DNAJC18: variants seen among roughly 807,000 people sequenced by gnomAD.
DNAJC18 encodes DnaJ heat shock protein family (Hsp40) member C18.
A neutral mutation model predicts 48.6 loss-of-function variants in DNAJC18; 40 were observed. That is an observed-to-expected ratio of 0.82 (90% CI 0.64 to 1.07). DNAJC18 has a LOEUF of 1.07. Ranked by LOEUF, DNAJC18 falls within the 50% of genes least tolerant of loss-of-function variation. The probability of loss-of-function intolerance (pLI) is 0.00; values close to 1 mark genes in which losing one functional copy is unlikely to be tolerated. For synonymous variants in DNAJC18, 135 were observed against 152.2 expected (o/e 0.89, Z 0.83); for missense variants, 340 against 427.7 (o/e 0.79, Z 1.81).
chr5:139,439,389 A>T lies in DNAJC18; in HGVS notation c.40+17T>A. 1 of 1,614,094 alleles carries T rather than the reference A, an allele frequency of 6.2e-7. No homozygotes were observed. Among genetic ancestry groups the T allele is most frequent in the Non-Finnish European group, 8.5e-7 (1 of 1,180,012 alleles). ...CCGAAGGCCGCCCTATCCCTCCTTC[A>T]GGCGGGGACCTAGTACCTTCCGTCC... is the stretch of plus-strand genomic sequence containing the variant. On this transcript the variant is annotated intron_variant, in intron 1 of 7. Transcript: ENST00000302060. The surrounding 1 kb of genome is among the most constrained non-coding windows in gnomAD (Gnocchi z 4.1).
chr5:139,419,242 T>G, intron 7 of DNAJC18: 1 of 422,174 alleles, frequency 2.4e-6, no homozygotes, highest in Non-Finnish European at 4.7e-6. Flanking sequence ...TAACGCGGTA[T>G]GTGTGTGTAG....
Position 139,410,731 on chromosome 5 carries a change from T to A in DNAJC18, c.*3417A>T, listed in dbSNP as rs964512055. The stretch of plus-strand genomic sequence containing the variant: ...CTTGGCCAGGCTGCTGGAACCCATG[T>A]TCCAGTGGCATCTGGAGTTCACTGT... On this transcript the variant is annotated 3_prime_UTR_variant, in exon 8 of 8. Transcript: ENST00000302060. 6.6e-6 allele frequency: 1 copy of A among 152,364 alleles called. No individual in the cohort carries two copies. The highest frequency in any genetic ancestry group is 1.5e-5 in the Non-Finnish European group (1 of 68,270). 9.4% of individuals were successfully genotyped at this position (152,364 alleles called of 1,614,324 possible).
chr5:139,425,324 T>C (rs1759219311), intron 4 of DNAJC18, among the ~76,000 whole-genome samples: 1 of 152,120 alleles, frequency 6.6e-6, no homozygotes, highest in Non-Finnish European at 1.5e-5. Flanking sequence ...CCACCATGCC[T>C]GGCTAACTTT....
intron 2 of DNAJC18, among the ~76,000 whole-genome samples, chr5:139,436,545 A>T: frequency 2.9e-5 from 3 of 105,122 alleles, no homozygotes; most frequent in Non-Finnish European, 3.6e-5. Context: ...TTTTTGAGAG[A>T]CAGGGTCTTG....
rs2088602117 is a variant in DNAJC18 at position 139,438,671 on chromosome 5, C to T, written c.40+735G>A. ...GCTCCTGGACAGTCTTCCTCTAAGT[C>T]GGCCTGGCTAACTCCGACGCATCCT... On this transcript the variant is annotated intron_variant, in intron 1 of 7. Coordinates refer to ENST00000302060, the MANE Select transcript of DNAJC18 (RefSeq NM_152686.4). Among the ~76,000 whole-genome samples the T allele has an allele frequency of 2.6e-5, 4 of 152,206 alleles. No individual in the cohort carries two copies. The South Asian group carries it at 8.3e-4, about 32-fold the overall frequency.
chr5:139,438,341 GAT>G (rs1491169172), intron 1 of DNAJC18, among the ~76,000 whole-genome samples: 2 of 102,346 alleles, frequency 2.0e-5, no homozygotes, highest in Non-Finnish European at 2.8e-5. Context: ...AACATTATGA[GAT>G]TTTTTTTTGC....
chr5:139,426,444 G>GC, intron 3 of DNAJC18, 87 bp from the exon 4 acceptor site: 1 of 1,504,090 alleles, frequency 6.6e-7, no homozygotes, highest in African/African-American at 1.4e-5. Context: ...GAGCCTAGAG[G>GC]TGACTCGTGC....
intron 2 of DNAJC18, among the ~76,000 whole-genome samples, chr5:139,436,959 A>G (rs1750678665): frequency 6.6e-6 from 1 of 152,112 alleles, no homozygotes; most frequent in Non-Finnish European, 1.5e-5. Flanking sequence ...ATATTTGTGA[A>G]TTTCTCAAAT....
chr5:139,426,071 C>G (rs1759238607), intron 4 of DNAJC18, 101 bp downstream of exon 4: 1 of 1,281,952 alleles, frequency 7.8e-7, no homozygotes, highest in Non-Finnish European at 1.1e-6. Flanking sequence ...CTTGCTGTTT[C>G]CATCATACCA....
At position 139,426,213 on chromosome 5, in the gene DNAJC18, T is replaced by C. The variant is rs1482458926; in HGVS notation, c.518A>G (p.Glu173Gly). 1 of 1,614,104 alleles carries C rather than the reference T, an allele frequency of 6.2e-7. No homozygotes were observed. The highest frequency in any genetic ancestry group is 8.5e-7 in the Non-Finnish European group (1 of 1,180,042). ...TCCAAAGAAGACGTTGAACAGCTCT[T>C]CTGGAGTGATGTCAGCTTCAAAATC... ...YRDFEADITP[E>G]ELFNVFFGGH... The change falls in exon 4 of 8, where the codon GAA becomes GGA. Residue 173 changes from glutamate (E) to glycine (G), a missense_variant. Glu to Gly is a moderately conservative substitution (Grantham distance 98). Transcript: ENST00000302060.
At position 139,439,422 on chromosome 5, in the gene DNAJC18, C is replaced by T; in HGVS notation, c.24G>A (p.Gly8=). Residue 8 remains glycine (G), a synonymous_variant, in exon 1 of 8, where the codon GGG becomes GGA. Transcript: ENST00000302060. This position sits in a 1 kb window ranked among gnomAD's most constrained non-coding sequence, Gnocchi z 4.1. Reference sequence around the variant, plus strand: ...ACCTAGTACCTTCCGTCCAGCGCTCCCCGCTGCCCAGAGTCGCCGCCATAT... The same window carrying T: ...ACCTAGTACCTTCCGTCCAGCGCTCTCCGCTGCCCAGAGTCGCCGCCATAT... MAATLGS[G]ERWTEAYIDA... The T allele has an allele frequency of 6.2e-7, 1 of 1,613,960 alleles. No individual in the cohort carries two copies.
chr5:139,412,287 C>CT lies in DNAJC18; in HGVS notation c.*1860dup, dbSNP rs1203235446. The CT allele has an allele frequency of 3.0e-3, 449 of 150,382 alleles. No homozygotes were observed. Among genetic ancestry groups the CT allele is most frequent in the East Asian group, 6.3e-3 (33 of 5,232 alleles). 9.3% of individuals were successfully genotyped at this position (150,382 alleles called of 1,614,324 possible). On this transcript the variant is annotated 3_prime_UTR_variant, in exon 8 of 8. Transcript: ENST00000302060. ...CTTTGGAATCTGTTTAATGTAGACT[C>CT]TTTTTTTTTTTGAGATGGAGTGGAG...
At chr5:139,423,758 A>G (rs1759189989) in intron 5 of DNAJC18, among the ~76,000 whole-genome samples, 1 of 152,166 alleles carries the variant, frequency 6.6e-6, no homozygotes, top group African/African-American at 2.4e-5. Flanking sequence ...TCCAAAAAAA[A>G]AAAAAAATCT....
chr5:139,428,821 C>T, intron 2 of DNAJC18, 138 bp from the exon 3 acceptor site: 2 of 1,019,678 alleles, frequency 2.0e-6, no homozygotes, highest in Non-Finnish European at 2.8e-6. Context: ...GTTAATGAAA[C>T]ATTCAAATTC....
chr5:139,432,289 C>T (rs1038856842), intron 2 of DNAJC18, among the ~76,000 whole-genome samples: 7 of 152,058 alleles, frequency 4.6e-5, no homozygotes, highest in Admixed American at 3.9e-4. Flanking sequence ...CTCAGACTCC[C>T]GAGTAGCTGG....
rs1241034494 is a variant in DNAJC18 at position 139,412,402 on chromosome 5, A to G, written c.*1746T>C. ...CAGCCTCCCGAGTAGCTGGGACTAC[A>G]GGCATGTGCCACCACACCTGGCTAA... On this transcript the variant is annotated 3_prime_UTR_variant, in exon 8 of 8. Coordinates refer to ENST00000302060, the MANE Select transcript of DNAJC18 (RefSeq NM_152686.4). 2.1e-5 allele frequency: 5 copies of G among 233,384 alleles called. No individual in the cohort carries two copies. The highest frequency in any genetic ancestry group is 4.1e-5 in the Non-Finnish European group (5 of 122,040). The allele number at this position is 233,384 out of a possible 1,614,324, so 14.5% of individuals were successfully genotyped here.
intron 7 of DNAJC18, 122 bp from the exon 8 acceptor site, chr5:139,414,394 A>G: frequency 7.3e-7 from 1 of 1,363,106 alleles, no homozygotes; most frequent in African/African-American, 1.5e-5. Flanking sequence ...TAAATATAAG[A>G]AACATTTAGT....
chr5:139,414,264 G>C lies in DNAJC18; in HGVS notation c.961C>G (p.Leu321Val). Reference sequence around the variant, plus strand: ...CTGTATAATCCTGCCAAATTTGTCAGCTCTGACTCTGAAAGATAAAAGAGG... The same window carrying C: ...CTGTATAATCCTGCCAAATTTGTCACCTCTGACTCTGAAAGATAAAAGAGG... Reference protein sequence around the residue: ...CWKEKQQKSELTNLAGLYRDE... With the variant: ...CWKEKQQKSEVTNLAGLYRDE... The change falls in exon 8 of 8, where the codon CTG (leucine) becomes GTG (valine). Residue 321 changes from leucine to valine, a missense_variant. Coordinates refer to ENST00000302060, the MANE Select transcript of DNAJC18 (RefSeq NM_152686.4). 6.2e-7 allele frequency: 1 copy of C among 1,611,698 alleles called. No homozygotes were observed.
Position 139,411,998 on chromosome 5 carries a change from A to T in DNAJC18, c.*2150T>A, listed in dbSNP as rs770423125. On this transcript the variant is annotated 3_prime_UTR_variant, in exon 8 of 8. Transcript: ENST00000302060. ...AACCTCCCTCAGTCACTCAGAGGGG[A>T]TCAAGAAGGGCCCCCTAAAACCAGG... 3.9e-5 allele frequency: 6 copies of T among 152,118 alleles called. No homozygotes were observed. The highest frequency in any genetic ancestry group is 5.9e-5 in the Non-Finnish European group (4 of 68,012). 9.4% of individuals were successfully genotyped at this position (152,118 alleles called of 1,614,324 possible).
Sources: allele counts gnomAD v4.1 joint callset (sites outside exome capture counted in the v4.1 genomes callset), GRCh38; gene constraint gnomAD v4.1.1; non-coding constraint Gnocchi (gnomAD v3.1); transcripts MANE v1.5; gene names NCBI Gene and HGNC (gene_info 2026-07-23, HGNC 2026-07-21).